Variants in CFAP299 observed in about 807,000 individuals in gnomAD.
CFAP299 encodes the protein cilia- and flagella-associated protein 299.
CFAP299 carries 21 observed loss-of-function variants against 27.0 expected under a neutral mutation model. The ratio of observed to expected loss-of-function variants is 0.78; its 90% CI spans 0.55 to 1.12. CFAP299 has a LOEUF of 1.12. Among genes scored for constraint, CFAP299 ranks in the 50% most tolerant of loss-of-function variants. The probability of loss-of-function intolerance (pLI) is 0.00; values close to 1 mark genes in which losing one functional copy is unlikely to be tolerated. For missense variants in CFAP299, 310 were observed against 276.6 expected (o/e 1.12, Z -0.86); for synonymous variants, 104 against 98.1 (o/e 1.06, Z -0.36).
intron 2 of CFAP299, chr4:80,420,281 A>C (rs1235018239): frequency 1.3e-5 from 6 of 454,038 alleles, no homozygotes; most frequent in South Asian, 9.3e-5. Context: ...ACCTGTTTCC[A>C]TCAATGCTGA....
At chr4:80,433,520 T>G (rs746851348) in intron 2 of CFAP299, among the ~76,000 whole-genome samples, 1 of 152,162 alleles carries the variant, frequency 6.6e-6, no homozygotes, top group Non-Finnish European at 1.5e-5. Flanking sequence ...ATTCTTCAAA[T>G]AAAAGCACAG....
chr4:80,428,126 T>C (rs1006779736), intron 2 of CFAP299, among the ~76,000 whole-genome samples: 1 of 152,336 alleles, frequency 6.6e-6, no homozygotes, highest in South Asian at 2.1e-4. Flanking sequence ...TTGGCAGAGT[T>C]TGTAGAGTGG....
intron 2 of CFAP299, among the ~76,000 whole-genome samples, chr4:80,506,339 G>A (rs11944925): frequency 0.35 from 52,853 of 151,876 alleles, 11,087 homozygotes; most frequent in African/African-American, 0.59. Context: ...TCATATGGTT[G>A]TTATTACTGG....
chr4:80,559,501 T>C (rs909010956), intron 2 of CFAP299, among the ~76,000 whole-genome samples: 1 of 152,108 alleles, frequency 6.6e-6, no homozygotes, highest in African/African-American at 2.4e-5. Flanking sequence ...AAAAAGCGCC[T>C]GTGTAAGAAC....
intron 1 of CFAP299, among the ~76,000 whole-genome samples, chr4:80,340,523 C>T (rs913139606): frequency 5.9e-5 from 9 of 152,148 alleles, no homozygotes; most frequent in African/African-American, 2.2e-4. Context: ...TTCTGCAGGC[C>T]CCACTTCCCT....
At position 80,799,848 on chromosome 4, in the gene CFAP299, AAT is replaced by A. The variant is rs1410111422; in HGVS notation, c.334-70139_334-70138del. Among the ~76,000 whole-genome samples, 162 of 27,576 alleles carry A rather than the reference AAT, an allele frequency of 5.9e-3. 10 individuals carry two copies. The East Asian group carries it at 0.13, about 23-fold the overall frequency. The allele number at this position is 27,576 out of a possible 152,430, so 18.1% of individuals were successfully genotyped here. ...TATATATTTATATATTATATTATAT[AAT>A]ATATAAATATATATTATATATATTA... is the stretch of plus-strand genomic sequence containing the variant. On this transcript the variant is annotated intron_variant, in intron 3 of 5. Transcript: ENST00000358105.
intron 3 of CFAP299, among the ~76,000 whole-genome samples, chr4:80,855,680 G>T (rs541442434): frequency 8.2e-4 from 125 of 152,216 alleles, no homozygotes; most frequent in African/African-American, 2.8e-3. Context: ...TCTTGCGATA[G>T]TTTACTGAGA....
intron 2 of CFAP299, among the ~76,000 whole-genome samples, chr4:80,496,017 G>A (rs965387184): frequency 1.3e-5 from 2 of 152,172 alleles, no homozygotes; most frequent in Non-Finnish European, 1.5e-5. Context: ...TGATGAGGGG[G>A]CTGCCTCTTA....
At position 80,639,194 on chromosome 4, in the gene CFAP299, A is replaced by G. The variant is rs78374766; in HGVS notation, c.333+56011A>G. ...TAACCCAGGTGCTGCACTAGGCATA[A>G]GTAAGACACAAATAATTCCCCCAGC... On this transcript the variant is annotated intron_variant, in intron 3 of 5. Transcript: ENST00000358105. 5.6e-3 allele frequency among the ~76,000 whole-genome samples: 848 copies of G among 152,318 alleles called. 8 individuals are homozygous for G. The highest frequency in any genetic ancestry group is 0.018 in the African/African-American group (739 of 41,576).
intron 2 of CFAP299, among the ~76,000 whole-genome samples, chr4:80,434,791 A>G (rs1393401898): frequency 6.6e-6 from 1 of 152,244 alleles, no homozygotes; most frequent in African/African-American, 2.4e-5. Context: ...AGGAGGAGAC[A>G]CAGATATTGG....
At chr4:80,870,475 C>T (rs994509638) in intron 4 of CFAP299, 2 of 1,000,442 alleles carry the variant, frequency 2.0e-6, no homozygotes, top group African/African-American at 3.5e-5. Flanking sequence ...GCTCATCTAA[C>T]ATGTTTTCCT....
intron 3 of CFAP299, among the ~76,000 whole-genome samples, chr4:80,772,136 T>A (rs1012966388): frequency 2.6e-5 from 4 of 152,168 alleles, no homozygotes; most frequent in Non-Finnish European, 4.4e-5. Context: ...TCTAAATTCT[T>A]ATTGGCTTGT....
At position 80,772,472 on chromosome 4, in the gene CFAP299, G is replaced by A. The variant is rs145249273; in HGVS notation, c.334-97521G>A. On this transcript the variant is annotated intron_variant, in intron 3 of 5. Coordinates refer to ENST00000358105, the MANE Select transcript of CFAP299 (RefSeq NM_152770.3). ...CCGGGAACTCACTCTAATCTGCTAA[G>A]TTGAATGGAATCTCATATGTAATTA... Among the ~76,000 whole-genome samples the A allele has an allele frequency of 4.8e-3, 724 of 152,214 alleles. 3 individuals carry two copies. The highest frequency in any genetic ancestry group is 0.017 in the African/African-American group (705 of 41,544).
chr4:80,388,457 G>A (rs899298118), intron 2 of CFAP299: 30 of 989,910 alleles, frequency 3.0e-5, no homozygotes, highest in Non-Finnish European at 4.4e-5. Flanking sequence ...GGTGACCAGC[G>A]AGACTGTGTC....
intron 3 of CFAP299, among the ~76,000 whole-genome samples, chr4:80,620,118 T>G (rs1738498229): frequency 6.6e-6 from 1 of 152,134 alleles, no homozygotes; most frequent in African/African-American, 2.4e-5. Context: ...TTTCATGAGT[T>G]AAATGTATGG....
chr4:80,883,081 TAA>T (rs1733792095), intron 4 of CFAP299, among the ~76,000 whole-genome samples: 1 of 152,026 alleles, frequency 6.6e-6, no homozygotes, highest in African/African-American at 2.4e-5. Context: ...CATAACAATA[TAA>T]CTACAATAAT....
chr4:80,799,915 ATAAT>A (rs1355997308), intron 3 of CFAP299, among the ~76,000 whole-genome samples: 1 of 43,000 alleles, frequency 2.3e-5, no homozygotes, highest in African/African-American at 1.0e-4. Context: ...AATATAATAT[ATAAT>A]ATATATATTT....
intron 2 of CFAP299, among the ~76,000 whole-genome samples, chr4:80,418,205 G>C (rs1005716627): frequency 6.6e-6 from 1 of 151,640 alleles, no homozygotes; most frequent in Non-Finnish European, 1.5e-5. Flanking sequence ...TAAATTTTGT[G>C]ATTCTGGAAG....
At chr4:80,442,534 A>G (rs1728408593) in intron 2 of CFAP299, among the ~76,000 whole-genome samples, 1 of 152,220 alleles carries the variant, frequency 6.6e-6, no homozygotes, top group Admixed American at 6.5e-5. Flanking sequence ...ACATACCAGA[A>G]TCTCTGGGAC....
Sources: allele counts gnomAD v4.1 joint callset (sites outside exome capture counted in the v4.1 genomes callset), GRCh38; gene constraint gnomAD v4.1.1; transcripts MANE v1.5; gene names NCBI Gene and HGNC (gene_info 2026-07-23, HGNC 2026-07-21).